Variants in WIPF1 observed in about 807,000 individuals in gnomAD.
WIPF1 encodes the protein WAS/WASL-interacting protein family member 1.
WIPF1 carries 13 observed loss-of-function variants against 35.4 expected under a neutral mutation model. The observed-to-expected ratio is 0.37, with a 90% CI of 0.24 to 0.58. The LOEUF (loss-of-function observed/expected upper bound fraction) is 0.58, where lower values mean the gene tolerates loss of function less well. WIPF1 is among the 20% of genes least tolerant of loss of function. The probability of loss-of-function intolerance (pLI) is 0.74; values close to 1 mark genes in which losing one functional copy is unlikely to be tolerated. For missense variants in WIPF1, 591 were observed against 667.0 expected (o/e 0.89, Z 1.25); for synonymous variants, 267 against 266.3 (o/e 1.00, Z -0.02).
At chr2:174,667,967 G>A (rs1288864973) in intron 1 of WIPF1, among the ~76,000 whole-genome samples, 1 of 152,158 alleles carries the variant, frequency 6.6e-6, no homozygotes, top group African/African-American at 2.4e-5. Context: ...CTGTCCAGAA[G>A]GCAGGGGCTG....
chr2:174,624,561 A>G (rs1158480074), intron 1 of WIPF1, among the ~76,000 whole-genome samples: 1 of 152,184 alleles, frequency 6.6e-6, no homozygotes, highest in Admixed American at 6.5e-5. Flanking sequence ...AATGCCTTCC[A>G]TGTTTCATCT....
In WIPF1 at chr2:174,622,548, A is replaced by G. The variant is rs1420912336; in HGVS notation, c.-38-36937T>C. Reference sequence around the variant, plus strand: ...GGGGAAGGGAAAGGAACGTAACACTATAGGATCCCCTCTCTATGCCGCCAG... The same window carrying G: ...GGGGAAGGGAAAGGAACGTAACACTGTAGGATCCCCTCTCTATGCCGCCAG... On this transcript the variant is annotated intron_variant, in intron 1 of 8. Coordinates refer to the WIPF1 transcript ENST00000272746. The surrounding 1 kb of genome is among the most constrained non-coding windows in gnomAD (Gnocchi z 5.1). 6.6e-6 allele frequency among the ~76,000 whole-genome samples: 1 copy of G among 152,184 alleles called. No individual in the cohort carries two copies. Among genetic ancestry groups the G allele is most frequent in the Non-Finnish European group, 1.5e-5 (1 of 68,032 alleles).
rs186776336 is a variant in WIPF1, at chr2:174,627,875, C to T, written c.-38-42264G>A. Among the ~76,000 whole-genome samples, 5 of 152,154 alleles carry T rather than the reference C, an allele frequency of 3.3e-5. No homozygotes were observed. In the East Asian group the frequency reaches 5.8e-4, roughly 18 times the overall value. On this transcript the variant is annotated intron_variant, in intron 1 of 8. Coordinates refer to the WIPF1 transcript ENST00000272746. The stretch of plus-strand genomic sequence containing the variant: ...GGCCTTGTGATTTCTAATAGCAGGA[C>T]CCATGTATTACATCTCATTTTTTAA...
At chr2:174,576,385 A>G (rs537279294) in intron 3 of WIPF1, among the ~76,000 whole-genome samples, 1 of 152,184 alleles carries the variant, frequency 6.6e-6, no homozygotes, top group South Asian at 2.1e-4. Context: ...CTTTGTTAGC[A>G]CTTCTTGTGT....
chr2:174,623,417 A>G (rs1305278278), intron 1 of WIPF1: 1 of 152,166 alleles, frequency 6.6e-6, no homozygotes, highest in East Asian at 1.9e-4. Flanking sequence ...GGCAGGATTC[A>G]TTTCCTGACT....
At chr2:174,605,715 G>GT (rs1377233806) in intron 1 of WIPF1, among the ~76,000 whole-genome samples, 3 of 152,150 alleles carry the variant, frequency 2.0e-5, no homozygotes, top group Admixed American at 2.0e-4. Context: ...GGGAAAGTGG[G>GT]TAGGGGTACA....
chr2:174,643,369 A>C (rs1244375787), intron 1 of WIPF1, among the ~76,000 whole-genome samples: 1 of 148,618 alleles, frequency 6.7e-6, no homozygotes, highest in African/African-American at 2.6e-5. Flanking sequence ...ACGATGAAAA[A>C]CTTCATTTGT....
chr2:174,657,898 G>A (rs1053618446), intron 1 of WIPF1, among the ~76,000 whole-genome samples: 5 of 110,040 alleles, frequency 4.5e-5, no homozygotes, highest in Admixed American at 1.1e-4. Flanking sequence ...CAACAAGAGC[G>A]AAACTCTGTC....
At chr2:174,655,008 C>G (rs1687611794) in intron 1 of WIPF1, among the ~76,000 whole-genome samples, 2 of 152,220 alleles carry the variant, frequency 1.3e-5, no homozygotes, top group African/African-American at 4.8e-5. Flanking sequence ...TCAAAGGCAT[C>G]TAACTTGGTA....
intron 1 of WIPF1, chr2:174,665,341 G>A (rs752411880): frequency 2.0e-5 from 3 of 152,328 alleles, no homozygotes; most frequent in South Asian, 4.1e-4. Context: ...TTCTGCCTGA[G>A]CAGAATTAAG....
intron 1 of WIPF1, among the ~76,000 whole-genome samples, chr2:174,660,308 C>T (rs777895331): frequency 1.3e-5 from 2 of 152,280 alleles, no homozygotes; most frequent in South Asian, 2.1e-4. Flanking sequence ...TTACTAGCTC[C>T]GTGACCCTAA....
At chr2:174,649,010 C>T (rs905025895) in intron 1 of WIPF1, among the ~76,000 whole-genome samples, 2 of 152,154 alleles carry the variant, frequency 1.3e-5, no homozygotes, top group African/African-American at 4.8e-5. Flanking sequence ...ACTTTTAATG[C>T]TTGAGGGAGA....
intron 1 of WIPF1, among the ~76,000 whole-genome samples, chr2:174,637,794 C>A (rs528162822): frequency 9.9e-4 from 150 of 152,152 alleles, no homozygotes; most frequent in African/African-American, 3.6e-3. Context: ...CTCAAAAAAA[C>A]AAAAAACAAA....
chr2:174,572,489 C>G, intron 4 of WIPF1, 43 bp from the exon 5 acceptor site: 4 of 1,611,742 alleles, frequency 2.5e-6, no homozygotes, highest in Non-Finnish European at 3.4e-6. Context: ...AATCAGGAAC[C>G]CTGAAGAAAT....
intron 1 of WIPF1, among the ~76,000 whole-genome samples, chr2:174,675,122 A>T (rs1688100748): frequency 1.3e-5 from 2 of 152,154 alleles, no homozygotes; most frequent in Non-Finnish European, 2.9e-5. Flanking sequence ...AAGTAATATA[A>T]TTCTATTTTT....
intron 1 of WIPF1, among the ~76,000 whole-genome samples, chr2:174,658,252 A>C (rs546189231): frequency 6.6e-6 from 1 of 152,178 alleles, no homozygotes; most frequent in South Asian, 2.1e-4. Flanking sequence ...ATAACCTCAC[A>C]CCCACACAAA....
intron 1 of WIPF1, among the ~76,000 whole-genome samples, chr2:174,657,818 G>A (rs1187635779): frequency 6.6e-6 from 1 of 151,132 alleles, no homozygotes; most frequent in Non-Finnish European, 1.5e-5. Context: ...GCTGGGGCAG[G>A]AGAATTGCTT....
At chr2:174,604,023 T>C (rs1686082918) in intron 1 of WIPF1, among the ~76,000 whole-genome samples, 1 of 152,140 alleles carries the variant, frequency 6.6e-6, no homozygotes, top group African/African-American at 2.4e-5. Context: ...CACAATAAAA[T>C]AGACAATAAT....
At chr2:174,673,824 T>A (rs1304961777) in intron 1 of WIPF1, 9 of 143,898 alleles carry the variant, frequency 6.3e-5, no homozygotes, top group South Asian at 2.2e-4. Context: ...ACACTAATAT[T>A]AAAAAAAAAA....
Sources: allele counts gnomAD v4.1 joint callset (sites outside exome capture counted in the v4.1 genomes callset), GRCh38; gene constraint gnomAD v4.1.1; non-coding constraint Gnocchi (gnomAD v3.1); transcripts MANE v1.5; gene names NCBI Gene and HGNC (gene_info 2026-07-23, HGNC 2026-07-21).